PIK3R5: variants seen among roughly 807,000 people sequenced by gnomAD.
The protein encoded by PIK3R5 is phosphoinositide 3-kinase regulatory subunit 5.
PIK3R5 carries 32 observed loss-of-function variants against 94.9 expected under a neutral mutation model. That is an observed-to-expected ratio of 0.34 (90% CI 0.25 to 0.45). PIK3R5 has a LOEUF of 0.45. PIK3R5 is among the 20% of genes least tolerant of loss of function. PIK3R5 has a pLI of 1.00. For synonymous variants in PIK3R5, 443 were observed against 479.4 expected, an observed-to-expected ratio of 0.92 and a Z score of 0.99; for missense variants, 853 against 1,144.6, an observed-to-expected ratio of 0.75 and a Z score of 3.68.
chr17:8,939,241 C>T (rs1460284135), intron 1 of PIK3R5, among the ~76,000 whole-genome samples: 3 of 152,194 alleles, frequency 2.0e-5, no homozygotes, highest in African/African-American at 7.2e-5. Context: ...AAAGCCCTCC[C>T]CAGCTGTCAG....
chr17:8,943,219 T>C (rs1224493031), intron 1 of PIK3R5, among the ~76,000 whole-genome samples: 1 of 151,924 alleles, frequency 6.6e-6, no homozygotes, highest in African/African-American at 2.4e-5. Flanking sequence ...GGGCTACAGG[T>C]GTGCACTACA....
chr17:8,901,812 A>C (rs1345981825), intron 5 of PIK3R5, among the ~76,000 whole-genome samples: 2 of 152,172 alleles, frequency 1.3e-5, no homozygotes, highest in African/African-American at 4.8e-5. Context: ...CCACCAAATG[A>C]CTTTGCCGCA....
intron 3 of PIK3R5, among the ~76,000 whole-genome samples, chr17:8,906,868 T>G (rs1050035697): frequency 1.3e-5 from 2 of 152,216 alleles, no homozygotes; most frequent in African/African-American, 4.8e-5. Flanking sequence ...GGGATCTCAC[T>G]CTATCTTTTT....
At chr17:8,928,471 A>G (rs936346650) in intron 1 of PIK3R5, among the ~76,000 whole-genome samples, 1 of 152,248 alleles carries the variant, frequency 6.6e-6, no homozygotes, top group Non-Finnish European at 1.5e-5. Context: ...CAAAATTCTG[A>G]AAACTAAAGA....
rs771374877 is a variant in PIK3R5, at chr17:8,881,822, G to A, written c.2265C>T (p.Asn755=). Residue 755 remains asparagine, a synonymous_variant, in exon 16 of 19, where the codon AAC becomes AAT. Transcript: ENST00000447110. This position sits in a 1 kb window ranked among gnomAD's most constrained non-coding sequence, Gnocchi z 4.8. The part of the protein sequence containing the change: ...SNLEKVCTSV[N]LNKACRKQEE... ...CCTGCTTCCGGCAGGCCTTGTTGAG[G>A]TTCACGGAGGTACAGACCTTCTCCA... The A allele has an allele frequency of 6.2e-7, 1 of 1,614,124 alleles. No individual in the cohort carries two copies. The highest frequency in any genetic ancestry group is 1.1e-5 in the South Asian group (1 of 91,076).
intron 3 of PIK3R5, 96 bp downstream of exon 3, chr17:8,908,978 G>A: frequency 1.3e-6 from 1 of 758,968 alleles, no homozygotes; most frequent in Non-Finnish European, 2.2e-6. Context: ...CCCCTCTGGA[G>A]GTCCAGGCAC....
chr17:8,905,620 T>C, intron 4 of PIK3R5, 49 bp downstream of exon 4: 1 of 1,428,142 alleles, frequency 7.0e-7, no homozygotes, highest in Non-Finnish European at 9.6e-7. Context: ...TAGAGGTCGC[T>C]CCTCCCCCTC....
chr17:8,913,026 T>C (rs1462205418), intron 1 of PIK3R5, among the ~76,000 whole-genome samples: 4 of 152,140 alleles, frequency 2.6e-5, no homozygotes, highest in Non-Finnish European at 5.9e-5. Flanking sequence ...GAGACAGCAG[T>C]GAACCAAGCA....
chr17:8,962,829 T>C (rs2151487831), intron 1 of PIK3R5, among the ~76,000 whole-genome samples: 1 of 152,338 alleles, frequency 6.6e-6, no homozygotes, highest in East Asian at 1.9e-4. Flanking sequence ...CGGGAGGGTA[T>C]CATCTTCCCT....
At chr17:8,937,888 C>A (rs1223376479) in intron 1 of PIK3R5, among the ~76,000 whole-genome samples, 1 of 152,190 alleles carries the variant, frequency 6.6e-6, no homozygotes, top group Admixed American at 6.5e-5. Flanking sequence ...CGGCTCATTG[C>A]AACCTCCACC....
intron 6 of PIK3R5, among the ~76,000 whole-genome samples, chr17:8,891,960 T>G: frequency 6.6e-6 from 1 of 152,128 alleles, no homozygotes; most frequent in African/African-American, 2.4e-5. Context: ...TCTGAGGCGC[T>G]GATCACTCTG....
intron 2 of PIK3R5, among the ~76,000 whole-genome samples, chr17:8,910,668 G>A (rs953661484): frequency 3.9e-5 from 6 of 152,160 alleles, no homozygotes; most frequent in Admixed American, 6.6e-5. Flanking sequence ...CAGAGGAAGC[G>A]ACATTTGAGC....
At chr17:8,894,093 C>G (rs953203046) in intron 5 of PIK3R5, among the ~76,000 whole-genome samples, 4 of 152,212 alleles carry the variant, frequency 2.6e-5, no homozygotes, top group African/African-American at 9.7e-5. Context: ...GGCCAGGTCA[C>G]TTTAGCCCTG....
At chr17:8,926,037 GGCACC>G (rs2090877296) in intron 1 of PIK3R5, among the ~76,000 whole-genome samples, 1 of 152,176 alleles carries the variant, frequency 6.6e-6, no homozygotes. Context: ...GTTAAGAGGT[GGCACC>G]GGAAGTATCA....
intron 1 of PIK3R5, among the ~76,000 whole-genome samples, chr17:8,930,732 A>G (rs2090973212): frequency 6.6e-6 from 1 of 152,266 alleles, no homozygotes; most frequent in Non-Finnish European, 1.5e-5. Context: ...ACCTGGGTTA[A>G]CTTCCGGAAA....
At chr17:8,942,453 C>T (rs1379346877) in intron 1 of PIK3R5, among the ~76,000 whole-genome samples, 1 of 152,170 alleles carries the variant, frequency 6.6e-6, no homozygotes, top group Admixed American at 6.5e-5. Context: ...CACAACCCCC[C>T]ATCTGCAGGA....
chr17:8,953,579 A>T (rs564160803), intron 1 of PIK3R5, among the ~76,000 whole-genome samples: 1 of 152,192 alleles, frequency 6.6e-6, no homozygotes, highest in African/African-American at 2.4e-5. Context: ...CACATTTGGC[A>T]TCAAATGGGT....
chr17:8,933,906 C>G (rs1170556136), intron 1 of PIK3R5, among the ~76,000 whole-genome samples: 3 of 152,124 alleles, frequency 2.0e-5, no homozygotes, highest in Non-Finnish European at 4.4e-5. Context: ...TGAAAAAACT[C>G]AACCCCCGTT....
At chr17:8,910,171 G>A (rs995690951) in intron 2 of PIK3R5, among the ~76,000 whole-genome samples, 1 of 152,188 alleles carries the variant, frequency 6.6e-6, no homozygotes, top group African/African-American at 2.4e-5. Flanking sequence ...AGTGGGGAGT[G>A]AGAGCCGCAG....
Sources: gnomAD v4.1 joint callset for allele counts (sites outside exome capture counted in the v4.1 genomes callset) on GRCh38, gnomAD v4.1.1 for gene constraint, Gnocchi (gnomAD v3.1) non-coding constraint, MANE v1.5 for transcripts, NCBI Gene and HGNC (gene_info 2026-07-23, HGNC 2026-07-21) for gene names.